The following CSMD1 variants were observed in gnomAD, a reference collection of about 807,000 sequenced individuals.
The protein encoded by CSMD1 is CUB and Sushi multiple domains 1.
A neutral mutation model predicts 417.5 loss-of-function variants in CSMD1; 213 were observed. That is an observed-to-expected ratio of 0.51 (90% confidence interval 0.46 to 0.57). The LOEUF (loss-of-function observed/expected upper bound fraction) is 0.57. CSMD1 is among the 20% of genes least tolerant of loss of function. The pLI, the probability that CSMD1 is intolerant of heterozygous loss-of-function variation, is 0.00. For missense variants in CSMD1, 6,923 were observed against 4,529.7 expected (o/e 1.53, Z -15.17); for synonymous variants, 2,862 against 1,736.8 (o/e 1.65, Z -16.11).
chr8:3,973,082 G>T (rs537481651), intron 5 of CSMD1, among the ~76,000 whole-genome samples: 1 of 152,298 alleles, frequency 6.6e-6, no homozygotes, highest in East Asian at 1.9e-4. Flanking sequence ...TTGTTTTACA[G>T]AATACCTAAT....
In CSMD1 at chr8:3,475,177, T is replaced by C. The variant is rs117672053; in HGVS notation, c.1449-6353A>G. On this transcript the variant is annotated intron_variant, in intron 11 of 69. Transcript: ENST00000635120. ...TTCTCGCTGGGCATTTCTTAGCCTC[T>C]TGAAGCCAGATTAGGATTTTTGCCT... Among the ~76,000 whole-genome samples the C allele has an allele frequency of 0.015, 2,180 of 146,496 alleles. 74 individuals carry two copies. The East Asian group carries it at 0.16, about 11-fold the overall frequency.
chr8:3,506,579 C>G (rs1041047547), intron 10 of CSMD1, among the ~76,000 whole-genome samples: 1 of 152,160 alleles, frequency 6.6e-6, no homozygotes, highest in African/African-American at 2.4e-5. Flanking sequence ...CATCTTCAAC[C>G]ACGCCTCTAA....
At chr8:3,821,001 C>G (rs915553964) in intron 5 of CSMD1, among the ~76,000 whole-genome samples, 2 of 152,078 alleles carry the variant, frequency 1.3e-5, no homozygotes, top group Admixed American at 1.3e-4. Flanking sequence ...ACTGCAACCT[C>G]CACATCCCGG....
chr8:3,806,850 A>T (rs1800768788), intron 5 of CSMD1, among the ~76,000 whole-genome samples: 2 of 152,338 alleles, frequency 1.3e-5, no homozygotes, highest in Admixed American at 1.3e-4. Context: ...GCTAGCAGAC[A>T]CAATGTAATC....
intron 1 of CSMD1, among the ~76,000 whole-genome samples, chr8:4,759,337 C>A (rs769560295): frequency 4.6e-5 from 7 of 152,160 alleles, no homozygotes; most frequent in Admixed American, 1.3e-4. Context: ...CAGCAGCCAG[C>A]AATGCCAATA....
At chr8:3,474,725 G>A (rs1341604931) in intron 11 of CSMD1, among the ~76,000 whole-genome samples, 2 of 152,056 alleles carry the variant, frequency 1.3e-5, no homozygotes, top group African/African-American at 2.4e-5. Context: ...TATTAATGAT[G>A]TTAAGTGGGA....
intron 49 of CSMD1, among the ~76,000 whole-genome samples, chr8:3,065,393 G>A (rs1217946594): frequency 6.6e-6 from 1 of 152,070 alleles, no homozygotes; most frequent in African/African-American, 2.4e-5. Context: ...AAGATAGAAA[G>A]GTAGATGGAT....
intron 3 of CSMD1, among the ~76,000 whole-genome samples, chr8:4,069,975 T>C (rs1340244552): frequency 1.3e-5 from 2 of 152,188 alleles, no homozygotes; most frequent in Non-Finnish European, 2.9e-5. Flanking sequence ...TTTGTTTTTC[T>C]GTTCTTTCCT....
intron 1 of CSMD1, among the ~76,000 whole-genome samples, chr8:4,653,379 A>AT (rs1046072996): frequency 7.2e-5 from 11 of 152,048 alleles, no homozygotes; most frequent in South Asian, 2.1e-4. Flanking sequence ...CAGTAGAAAC[A>AT]TTTTTTTGTT....
chr8:4,295,360 G>C (rs865841897), intron 3 of CSMD1, among the ~76,000 whole-genome samples: 5 of 139,788 alleles, frequency 3.6e-5, no homozygotes, highest in African/African-American at 5.2e-5. Context: ...ATAACCTTAA[G>C]ATTATATATG....
rs79127272 is a variant in CSMD1, at chr8:4,164,397, G to C, written c.416-132298C>G. 7.4e-3 allele frequency among the ~76,000 whole-genome samples: 1,131 copies of C among 152,226 alleles called. 16 individuals carry two copies. Among genetic ancestry groups the C allele is most frequent in the African/African-American group, 0.025 (1,059 of 41,548 alleles). ...TGGACAGAGAACACTTACACATTCA[G>C]GTAAGTGATGCTAATATCCTTGAGG... On this transcript the variant is annotated intron_variant, in intron 3 of 69. Coordinates refer to ENST00000635120, the MANE Select transcript of CSMD1 (RefSeq NM_033225.6).
At chr8:4,359,100 T>C (rs1801605371) in intron 3 of CSMD1, among the ~76,000 whole-genome samples, 1 of 152,242 alleles carries the variant, frequency 6.6e-6, no homozygotes, top group African/African-American at 2.4e-5. Flanking sequence ...TATTAATAAA[T>C]GCAGGAATAC....
intron 4 of CSMD1, among the ~76,000 whole-genome samples, chr8:4,022,842 G>C (rs1585150144): frequency 2.0e-5 from 3 of 152,154 alleles, no homozygotes; most frequent in South Asian, 4.1e-4. Flanking sequence ...GAAAGAAGAA[G>C]AGAGTTCATT....
chr8:3,396,459 T>A (rs1382471815), intron 16 of CSMD1, 78 bp from the exon 17 acceptor site: 6 of 1,040,116 alleles, frequency 5.8e-6, no homozygotes, highest in African/African-American at 1.6e-5. Context: ...TCCTCATTCC[T>A]TAATCAGAAA....
At chr8:4,124,707 G>C (rs1459870295) in intron 3 of CSMD1, among the ~76,000 whole-genome samples, 1 of 152,186 alleles carries the variant, frequency 6.6e-6, no homozygotes, top group Non-Finnish European at 1.5e-5. Context: ...ACTTCCCTAA[G>C]GGGGCTTTTC....
chr8:3,260,166 G>C (rs1316271738), intron 26 of CSMD1, among the ~76,000 whole-genome samples: 1 of 152,098 alleles, frequency 6.6e-6, no homozygotes, highest in African/African-American at 2.4e-5. Context: ...TTTGAGTTAA[G>C]CAAATTGAAA....
chr8:4,356,854 C>A (rs548503372), intron 3 of CSMD1, among the ~76,000 whole-genome samples: 1 of 152,190 alleles, frequency 6.6e-6, no homozygotes, highest in African/African-American at 2.4e-5. Context: ...TATCTCTGCC[C>A]TTTCCTCTAA....
chr8:3,806,913 G>T (rs954117946), intron 5 of CSMD1, among the ~76,000 whole-genome samples: 1 of 152,120 alleles, frequency 6.6e-6, no homozygotes, highest in Non-Finnish European at 1.5e-5. Context: ...TCCAGTAGTA[G>T]TGAGGTACTT....
chr8:4,444,346 C>CAAAAAAAAAAAAAAAAAAAAAAA lies in CSMD1; in HGVS notation c.303-24304_303-24282dup, dbSNP rs112028005. ...TGGGCTACAGAGTGAGACTCCATCTCAAAAAAAAAAAAAAAAAAAAAAAAA... is the reference window on the plus strand; with the variant it reads ...TGGGCTACAGAGTGAGACTCCATCTCAAAAAAAAAAAAAAAAAAAAAAAAAAAAAAAAAAAAAAAAAAAAAAAA... On this transcript the variant is annotated intron_variant, in intron 2 of 69. Coordinates refer to ENST00000635120, the MANE Select transcript of CSMD1 (RefSeq NM_033225.6). Among the ~76,000 whole-genome samples, 10 of 46,278 alleles carry CAAAAAAAAAAAAAAAAAAAAAAA rather than the reference C, an allele frequency of 2.2e-4. 2 individuals are homozygous for CAAAAAAAAAAAAAAAAAAAAAAA. Among genetic ancestry groups the CAAAAAAAAAAAAAAAAAAAAAAA allele is most frequent in the African/African-American group, 4.3e-4 (6 of 14,104 alleles). The allele number at this position is 46,278 out of a possible 152,430, so 30.4% of individuals were successfully genotyped here.
Sources: gnomAD v4.1 joint callset for allele counts (sites outside exome capture counted in the v4.1 genomes callset) on GRCh38, gnomAD v4.1.1 for gene constraint, MANE v1.5 for transcripts, NCBI Gene and HGNC (gene_info 2026-07-23, HGNC 2026-07-21) for gene names.